Variants in PRPF19 observed in about 807,000 individuals in gnomAD.
PRPF19 encodes pre-mRNA-processing factor 19.
Under a neutral mutation model 64.2 loss-of-function variants are expected in PRPF19, and 2 were observed. The ratio of observed to expected loss-of-function variants is 0.03; its 90% CI spans 0.01 to 0.10. The LOEUF is 0.10. Among genes scored for constraint, PRPF19 ranks in the 10% least tolerant of loss-of-function variants. PRPF19 has a pLI of 1.00. For missense variants in PRPF19, 314 were observed against 650.0 expected, an observed-to-expected ratio of 0.48 and a Z score of 5.62; for synonymous variants, 226 against 251.6, an observed-to-expected ratio of 0.90 and a Z score of 0.96.
chr11:60,904,802 T>G (rs1220320598), intron 1 of PRPF19, among the ~76,000 whole-genome samples: 1 of 152,184 alleles, frequency 6.6e-6, no homozygotes, highest in East Asian at 1.9e-4. Context: ...TTATGAAAAC[T>G]TCATTACAAA....
Position 60,898,527 on chromosome 11 carries a change from C to A in PRPF19, c.1140+14G>T. 1 of 1,614,004 alleles carries A rather than the reference C, an allele frequency of 6.2e-7. No individual in the cohort carries two copies. Among genetic ancestry groups the A allele is most frequent in the Non-Finnish European group, 8.5e-7 (1 of 1,179,996 alleles). ...CTGGCCCTGGGCCTCAGATGGAGGCCTACCATGTCCTACCTTCAAGTCCCA... is the reference window on the plus strand; with the variant it reads ...CTGGCCCTGGGCCTCAGATGGAGGCATACCATGTCCTACCTTCAAGTCCCA... On this transcript the variant is annotated intron_variant, in intron 13 of 15. Coordinates refer to ENST00000227524, the MANE Select transcript of PRPF19 (RefSeq NM_014502.5). This position sits in a 1 kb window ranked among gnomAD's most constrained non-coding sequence, Gnocchi z 4.6.
At chr11:60,891,302 T>C in intron 15 of PRPF19, 39 bp from the exon 16 acceptor site, 1 of 1,479,764 alleles carries the variant, frequency 6.8e-7, no homozygotes, top group Non-Finnish European at 9.4e-7. Flanking sequence ...AGAAGGCTTT[T>C]CCTCCTTTAG....
chr11:60,894,531 G>C (rs181614908), intron 15 of PRPF19, among the ~76,000 whole-genome samples: 5 of 152,230 alleles, frequency 3.3e-5, no homozygotes, highest in Admixed American at 2.6e-4. Flanking sequence ...CTCCACATCT[G>C]CAGTTACTCC....
At position 60,898,005 on chromosome 11, in the gene PRPF19, C is replaced by A; in HGVS notation, c.1312-54G>T. ...CACAAGGGGAACAGAAACTATGGGG[C>A]AGTTGCGGATAAGCAGAAGCAATTA... On this transcript the variant is annotated intron_variant, in intron 14 of 15. Transcript: ENST00000227524. The surrounding 1 kb of genome is among the most constrained non-coding windows in gnomAD (Gnocchi z 4.6). 6.2e-7 allele frequency: 1 copy of A among 1,607,514 alleles called. No individual in the cohort carries two copies. Among genetic ancestry groups the A allele is most frequent in the Non-Finnish European group, 8.5e-7 (1 of 1,175,074 alleles).
At chr11:60,896,334 G>A (rs1335553069) in intron 15 of PRPF19, among the ~76,000 whole-genome samples, 1 of 152,200 alleles carries the variant, frequency 6.6e-6, no homozygotes, top group East Asian at 1.9e-4. Flanking sequence ...TGGTGCCCCC[G>A]AAGACCTTCC....
At chr11:60,899,452 A>G (rs957517136) in intron 10 of PRPF19, 148 bp from the exon 11 acceptor site, 19 of 836,252 alleles carry the variant, frequency 2.3e-5, no homozygotes, top group Admixed American at 1.3e-4. Context: ...TATCCACCCA[A>G]TGGTGCCCAA....
chr11:60,896,777 A>G (rs1457331111), intron 15 of PRPF19, among the ~76,000 whole-genome samples: 2 of 152,158 alleles, frequency 1.3e-5, no homozygotes, highest in African/African-American at 4.8e-5. Context: ...GCCTAGGGTA[A>G]TGTGTGCTTG....
chr11:60,896,990 G>A (rs1855929284), intron 15 of PRPF19, among the ~76,000 whole-genome samples: 2 of 152,106 alleles, frequency 1.3e-5, no homozygotes, highest in South Asian at 2.1e-4. Flanking sequence ...GCTTATTACT[G>A]AAGAAAAAGT....
chr11:60,901,103 C>T (rs568527037), intron 8 of PRPF19, among the ~76,000 whole-genome samples, 174 bp from the exon 9 acceptor site: 2 of 152,274 alleles, frequency 1.3e-5, no homozygotes, highest in African/African-American at 4.8e-5. Context: ...TCCCTCACTG[C>T]ATCACTAGGA....
intron 15 of PRPF19, among the ~76,000 whole-genome samples, chr11:60,892,455 G>A (rs1415229236): frequency 6.6e-6 from 1 of 152,076 alleles, no homozygotes; most frequent in African/African-American, 2.4e-5. Flanking sequence ...ATTCACAGAC[G>A]GTCCCCGATT....
At chr11:60,901,178 G>T in intron 8 of PRPF19, 117 bp downstream of exon 8, 1 of 1,195,276 alleles carries the variant, frequency 8.4e-7, no homozygotes. Flanking sequence ...AACAGCACCA[G>T]GAACAGCGCC....
At position 60,891,134 on chromosome 11, in the gene PRPF19, T is replaced by C; in HGVS notation, c.*32A>G. On this transcript the variant is annotated 3_prime_UTR_variant, in exon 16 of 16. Coordinates refer to ENST00000227524, the MANE Select transcript of PRPF19 (RefSeq NM_014502.5). Reference sequence around the variant, plus strand: ...CCCTAATTCTACCCCTCTACTGAGATGAGGCCCAGCTTCCATCAGAAGGGC... The same window carrying C: ...CCCTAATTCTACCCCTCTACTGAGACGAGGCCCAGCTTCCATCAGAAGGGC... The C allele has an allele frequency of 1.1e-6, 1 of 881,182 alleles. No homozygotes were observed. Among genetic ancestry groups the C allele is most frequent in the Non-Finnish European group, 1.7e-6 (1 of 600,680 alleles). 54.6% of individuals were successfully genotyped at this position (881,182 alleles called of 1,614,324 possible).
At chr11:60,904,935 C>T (rs562372833) in intron 1 of PRPF19, among the ~76,000 whole-genome samples, 22 of 152,310 alleles carry the variant, frequency 1.4e-4, no homozygotes, top group African/African-American at 5.3e-4. Flanking sequence ...CCTAGGTGAC[C>T]AGTCCCCATC....
intron 1 of PRPF19, among the ~76,000 whole-genome samples, chr11:60,904,326 A>C (rs1477624012): frequency 6.6e-6 from 1 of 152,200 alleles, no homozygotes; most frequent in Non-Finnish European, 1.5e-5. Context: ...AGGAATAACA[A>C]ACTCAGTTTC....
At chr11:60,901,186 G>C in intron 8 of PRPF19, 109 bp downstream of exon 8, 1 of 1,241,698 alleles carries the variant, frequency 8.1e-7, no homozygotes. Context: ...CAGGAACAGC[G>C]CCAGGAACCT....
At position 60,898,906 on chromosome 11, in the gene PRPF19, G is replaced by A. The variant is rs1374325238; in HGVS notation, c.1010C>T (p.Thr337Ile). The A allele has an allele frequency of 6.2e-7, 1 of 1,603,714 alleles. No individual in the cohort carries two copies. Among genetic ancestry groups the A allele is most frequent in the Admixed American group, 1.7e-5 (1 of 58,660 alleles). The change falls in exon 12 of 16, where the codon ACA (threonine) becomes ATA (isoleucine). Residue 337 changes from threonine to isoleucine, a missense_variant. Thr to Ile is a moderately conservative substitution (Grantham distance 89, BLOSUM62 -1). Coordinates refer to ENST00000227524, the MANE Select transcript of PRPF19 (RefSeq NM_014502.5). The surrounding 1 kb of genome is among the most constrained non-coding windows in gnomAD (Gnocchi z 4.6). ...DQYWAFSDIQ[T>I]GRVLTKVTDE... Reference sequence around the variant, plus strand: ...TGTCACCTTGGTGAGCACACGCCCTGTCTGGATGTCAGAGAAAGCCCAGTA... The same window carrying A: ...TGTCACCTTGGTGAGCACACGCCCTATCTGGATGTCAGAGAAAGCCCAGTA...
chr11:60,898,954 T>C lies in PRPF19; in HGVS notation c.985-23A>G. 1.9e-6 allele frequency: 3 copies of C among 1,570,550 alleles called. No individual in the cohort carries two copies. Among genetic ancestry groups the C allele is most frequent in the Non-Finnish European group, 2.6e-6 (3 of 1,154,894 alleles). On this transcript the variant is annotated intron_variant, in intron 11 of 15. Transcript: ENST00000227524. The surrounding 1 kb of genome is among the most constrained non-coding windows in gnomAD (Gnocchi z 4.6). ...GTACTGGGGAAAAAAAAAGAGACAA[T>C]GGAGTCAGTGAGAAAGTGGGTCCCA...
intron 10 of PRPF19, 56 bp downstream of exon 10, chr11:60,900,526 G>C (rs981681832): frequency 1.5e-6 from 2 of 1,367,796 alleles, no homozygotes; most frequent in Admixed American, 4.1e-5. Flanking sequence ...AGCGGGGTGA[G>C]GGACAAACAA....
In PRPF19 at chr11:60,898,084, G is replaced by A; in HGVS notation, c.1311+17C>T. On this transcript the variant is annotated intron_variant, in intron 14 of 15. Transcript: ENST00000227524. This position sits in a 1 kb window ranked among gnomAD's most constrained non-coding sequence, Gnocchi z 4.6. ...AGGAGACACAATGGAAAGCTGGGCG[G>A]AGGGGGAAGGGCACACCTCAAAGTT... is the stretch of plus-strand genomic sequence containing the variant. The A allele has an allele frequency of 6.2e-7, 1 of 1,611,638 alleles. No individual in the cohort carries two copies. Among genetic ancestry groups the A allele is most frequent in the Non-Finnish European group, 8.5e-7 (1 of 1,178,326 alleles).
Sources: allele counts gnomAD v4.1 joint callset (sites outside exome capture counted in the v4.1 genomes callset), GRCh38; gene constraint gnomAD v4.1.1; non-coding constraint Gnocchi (gnomAD v3.1); transcripts MANE v1.5; gene names NCBI Gene and HGNC (gene_info 2026-07-23, HGNC 2026-07-21).